Variants in AGPAT3 observed in about 807,000 individuals in gnomAD.
The protein encoded by AGPAT3 is 1-acylglycerol-3-phosphate O-acyltransferase 3.
In AGPAT3, 5 loss-of-function variants were observed where a neutral mutation model predicts 47.3. The observed-to-expected ratio is 0.11, with a 90% CI of 0.06 to 0.22. The LOEUF is 0.22. Among genes scored for constraint, AGPAT3 ranks in the 10% least tolerant of loss-of-function variants. AGPAT3 has a pLI of 1.00. For missense variants in AGPAT3, 315 were observed against 493.0 expected (o/e 0.64, Z 3.42); for synonymous variants, 212 against 208.3 (o/e 1.02, Z -0.15).
At chr21:43,879,982 C>CG (rs770576699) in intron 1 of AGPAT3, among the ~76,000 whole-genome samples, 5 of 152,156 alleles carry the variant, frequency 3.3e-5, no homozygotes, top group African/African-American at 7.2e-5. Context: ...ACTGAGAAGA[C>CG]GTGGGTTCTG....
chr21:43,951,321 A>G (rs115104525), intron 2 of AGPAT3, among the ~76,000 whole-genome samples: 1,995 of 152,348 alleles, frequency 0.013, 50 homozygotes, highest in African/African-American at 0.045. Context: ...CTAAGAAGTT[A>G]TCTTTATCCC....
At chr21:43,967,829 T>C (rs1316369832) in intron 3 of AGPAT3, 117 bp from the exon 4 acceptor site, 1 of 1,042,214 alleles carries the variant, frequency 9.6e-7, no homozygotes, top group Non-Finnish European at 1.4e-6. Flanking sequence ...TCAAAACTCA[T>C]GTTTAGCAGA....
At chr21:43,898,179 A>T (rs1185676184) in intron 1 of AGPAT3, among the ~76,000 whole-genome samples, 2 of 152,194 alleles carry the variant, frequency 1.3e-5, no homozygotes, top group Non-Finnish European at 2.9e-5. Context: ...TCTGACAACT[A>T]AAAAAATTTA....
intron 2 of AGPAT3, among the ~76,000 whole-genome samples, chr21:43,940,265 C>T (rs1018954775): frequency 2.0e-5 from 3 of 152,260 alleles, no homozygotes; most frequent in East Asian, 1.9e-4. Context: ...AGCAGCTACC[C>T]GGCCTGCCTC....
chr21:43,967,575 G>A (rs1395532652), intron 3 of AGPAT3: 2 of 202,026 alleles, frequency 9.9e-6, no homozygotes, highest in Admixed American at 1.1e-4. Flanking sequence ...ACATACGATG[G>A]TTGTTTTCTG....
chr21:43,969,402 T>C, intron 5 of AGPAT3, 123 bp downstream of exon 5: 1 of 1,279,416 alleles, frequency 7.8e-7, no homozygotes, highest in Non-Finnish European at 1.1e-6. Flanking sequence ...TGGGGTGCTG[T>C]TTCCATGGGG....
intron 3 of AGPAT3, among the ~76,000 whole-genome samples, chr21:43,962,572 A>G (rs1436841973): frequency 6.6e-6 from 1 of 152,236 alleles, no homozygotes; most frequent in Non-Finnish European, 1.5e-5. Flanking sequence ...GTAAGGAAAC[A>G]AAAACCTCTC....
intron 3 of AGPAT3, 104 bp from the exon 4 acceptor site, chr21:43,967,842 C>G: frequency 8.4e-7 from 1 of 1,193,222 alleles, no homozygotes; most frequent in African/African-American, 1.5e-5. Context: ...TTAGCAGAGA[C>G]TTCCTCTCTG....
In AGPAT3 at chr21:43,970,613, G is replaced by C. The variant is rs761443184; in HGVS notation, c.511-40G>C. 2.5e-6 allele frequency: 4 copies of C among 1,607,444 alleles called. No homozygotes were observed. Among genetic ancestry groups the C allele is most frequent in the Non-Finnish European group, 3.4e-6 (4 of 1,176,624 alleles). The stretch of plus-strand genomic sequence containing the variant: ...CTGGCCTGGACATGCACCCACCCCA[G>C]CTGCTCTGTGGAGTGACCCTGTCTC... On this transcript the variant is annotated intron_variant, in intron 5 of 9. Transcript: ENST00000291572. The surrounding 1 kb of genome is among the most constrained non-coding windows in gnomAD (Gnocchi z 5.8).
At position 43,932,208 on chromosome 21, in the gene AGPAT3, G is replaced by A. The variant is rs116215326; in HGVS notation, c.-48-27426G>A. ...ACGCAGCGCGGCCGATCACGAACACGTCCCTCCAGTCTAACTGAAACTGCT... is the reference window on the plus strand; with the variant it reads ...ACGCAGCGCGGCCGATCACGAACACATCCCTCCAGTCTAACTGAAACTGCT... On this transcript the variant is annotated intron_variant, in intron 2 of 9. Coordinates refer to ENST00000291572, the MANE Select transcript of AGPAT3 (RefSeq NM_020132.5). This position sits in a 1 kb window ranked among gnomAD's most constrained non-coding sequence, Gnocchi z 5.2. Among the ~76,000 whole-genome samples, 1,665 of 152,210 alleles carry A rather than the reference G, an allele frequency of 0.011. 24 individuals are homozygous for A. Among genetic ancestry groups the A allele is most frequent in the African/African-American group, 0.037 (1,541 of 41,514 alleles).
At chr21:43,941,299 G>A (rs1161407170) in intron 2 of AGPAT3, among the ~76,000 whole-genome samples, 1 of 152,180 alleles carries the variant, frequency 6.6e-6, no homozygotes, top group Non-Finnish European at 1.5e-5. Context: ...TCCGATTAAT[G>A]CACTTCCATT....
At chr21:43,871,962 C>G (rs1021045413) in intron 1 of AGPAT3, among the ~76,000 whole-genome samples, 1 of 152,094 alleles carries the variant, frequency 6.6e-6, no homozygotes, top group Non-Finnish European at 1.5e-5. Flanking sequence ...TTAAGTTCTT[C>G]CCAATTCTTG....
At chr21:43,968,785 C>T (rs368954437) in intron 4 of AGPAT3, among the ~76,000 whole-genome samples, 14 of 152,254 alleles carry the variant, frequency 9.2e-5, no homozygotes, top group Admixed American at 2.6e-4. Context: ...AACTACTCCC[C>T]GATGCTGGCA....
At chr21:43,940,163 G>A (rs1052784365) in intron 2 of AGPAT3, among the ~76,000 whole-genome samples, 9 of 152,212 alleles carry the variant, frequency 5.9e-5, no homozygotes, top group Non-Finnish European at 1.2e-4. Context: ...GCTTGAGCTC[G>A]GCTCCTCACC....
chr21:43,978,856 C>A (rs987125316), intron 8 of AGPAT3, among the ~76,000 whole-genome samples: 4 of 152,202 alleles, frequency 2.6e-5, no homozygotes, highest in Non-Finnish European at 5.9e-5. Flanking sequence ...CTTACTCAGC[C>A]CAAGAACTAC....
rs767792105 is a variant in AGPAT3, at chr21:43,934,277, C to T, written c.-48-25357C>T. Among the ~76,000 whole-genome samples, 2 of 152,360 alleles carry T rather than the reference C, an allele frequency of 1.3e-5. No individual in the cohort carries two copies. Among genetic ancestry groups the T allele is most frequent in the African/African-American group, 4.8e-5 (2 of 41,582 alleles). ...AGCTCCCACACACCAGCCCTCTCAC[C>T]GCGGTGTGCCTGTCCCCACCTCCCA... On this transcript the variant is annotated intron_variant, in intron 2 of 9. Transcript: ENST00000291572. The surrounding 1 kb of genome is among the most constrained non-coding windows in gnomAD (Gnocchi z 4.7).
At chr21:43,865,433 G>A (rs2085482397) in intron 1 of AGPAT3, 88 bp downstream of exon 1, 1 of 146,868 alleles carries the variant, frequency 6.8e-6, no homozygotes, top group Admixed American at 6.8e-5. Context: ...CCCGCCGCCG[G>A]AGGTCGCCCC....
At chr21:43,941,876 G>T (rs535104547) in intron 2 of AGPAT3, among the ~76,000 whole-genome samples, 1 of 152,260 alleles carries the variant, frequency 6.6e-6, no homozygotes, top group Non-Finnish European at 1.5e-5. Context: ...AGACCTATTA[G>T]GTGTTGGGAA....
intron 2 of AGPAT3, among the ~76,000 whole-genome samples, chr21:43,905,646 G>A (rs550289670): frequency 6.6e-6 from 1 of 152,338 alleles, no homozygotes; most frequent in African/African-American, 2.4e-5. Flanking sequence ...TACTTGCTGG[G>A]TTTGCTCATT....
Sources: allele counts gnomAD v4.1 joint callset (sites outside exome capture counted in the v4.1 genomes callset), GRCh38; gene constraint gnomAD v4.1.1; non-coding constraint Gnocchi (gnomAD v3.1); transcripts MANE v1.5; gene names NCBI Gene and HGNC (gene_info 2026-07-23, HGNC 2026-07-21).